The following RANBP2 variants were observed in gnomAD, a reference collection of about 807,000 sequenced individuals.
RANBP2 encodes the protein E3 SUMO-protein ligase RanBP2.
Under a neutral mutation model 303.6 loss-of-function variants are expected in RANBP2, and 57 were observed. The observed-to-expected ratio is 0.19, with a 90% CI of 0.15 to 0.23. RANBP2 has a LOEUF of 0.23. RANBP2 is among the 10% of genes least tolerant of loss of function. RANBP2 has a pLI of 1.00. For missense variants in RANBP2, 3,138 were observed against 3,780.8 expected (o/e 0.83, Z 4.46); for synonymous variants, 1,167 against 1,301.5 (o/e 0.90, Z 2.23).
At chr2:109,691,957 A>G in the RANBP2 span, among the ~76,000 whole-genome samples, 3 of 151,436 alleles carry the variant, frequency 2.0e-5, no homozygotes, top group Non-Finnish European at 4.4e-5. Context: ...TAATTTTTGT[A>G]TTTTTTAGTA....
At chr2:109,765,870 CTT>C in the RANBP2 span, among the ~76,000 whole-genome samples, 1 of 150,658 alleles carries the variant, frequency 6.6e-6, no homozygotes, top group Non-Finnish European at 1.5e-5. Context: ...CCTTTTTAGA[CTT>C]TACTTCATGG....
chr2:109,553,577 G>T, the RANBP2 span, among the ~76,000 whole-genome samples: 1 of 148,784 alleles, frequency 6.7e-6, no homozygotes, highest in African/African-American at 2.5e-5. Context: ...AAGTGGCCTG[G>T]CCTGGTGGCT....
At chr2:109,570,068 T>C in the RANBP2 span, among the ~76,000 whole-genome samples, 4 of 152,020 alleles carry the variant, frequency 2.6e-5, no homozygotes, top group African/African-American at 9.7e-5. Flanking sequence ...ATGGGCCAAA[T>C]CAAGTAATTT....
At chr2:109,434,049 T>G in the RANBP2 span, among the ~76,000 whole-genome samples, 1 of 152,182 alleles carries the variant, frequency 6.6e-6, no homozygotes, top group Non-Finnish European at 1.5e-5. Flanking sequence ...ACAGGTTGGC[T>G]CTCTCAGCCT....
chr2:108,724,725 G>C (rs1694553597), intron 1 of RANBP2, among the ~76,000 whole-genome samples: 1 of 151,778 alleles, frequency 6.6e-6, no homozygotes, highest in African/African-American at 2.4e-5. Flanking sequence ...TGCCTTTTGA[G>C]AGATTTCCTT....
the RANBP2 span, chr2:109,574,908 T>C: frequency 2.0e-6 from 1 of 497,096 alleles, no homozygotes; most frequent in Non-Finnish European, 3.2e-6. Context: ...ACTTTAGTGA[T>C]AAAAAAATGT....
In RANBP2 at chr2:108,753,279, A is replaced by G. The variant is rs545820648; in HGVS notation, c.1917+120A>G. ...TTATTTAATGGTAATCTTGTTTTCT[A>G]AATTCACTAGCTCTCACACATAAGA... On this transcript the variant is annotated intron_variant, in intron 13 of 28. Coordinates refer to ENST00000283195, the MANE Select transcript of RANBP2 (RefSeq NM_006267.5). The G allele has an allele frequency of 3.7e-6, 6 of 1,604,786 alleles. No individual in the cohort carries two copies. The Admixed American group carries it at 6.8e-5, about 18-fold the overall frequency.
the RANBP2 span, among the ~76,000 whole-genome samples, chr2:109,740,075 C>A: frequency 3.4e-5 from 5 of 148,436 alleles, no homozygotes; most frequent in African/African-American, 1.3e-4. Flanking sequence ...CAATCTCTGC[C>A]TTCTGAGTTC....
At chr2:109,021,312 A>G in the RANBP2 span, among the ~76,000 whole-genome samples, 1 of 152,072 alleles carries the variant, frequency 6.6e-6, no homozygotes, top group Non-Finnish European at 1.5e-5. Context: ...TCACGAGGTC[A>G]GGAGATCGAG....
the RANBP2 span, among the ~76,000 whole-genome samples, chr2:109,227,688 C>G: frequency 6.6e-6 from 1 of 152,208 alleles, no homozygotes; most frequent in African/African-American, 2.4e-5. Flanking sequence ...GCTGTGCTCC[C>G]TGCAGGTCAC....
At chr2:109,451,964 C>T in the RANBP2 span, among the ~76,000 whole-genome samples, 3 of 152,246 alleles carry the variant, frequency 2.0e-5, no homozygotes, top group Non-Finnish European at 4.4e-5. Context: ...AGAGGTTCAG[C>T]AAACCCCAGC....
chr2:109,245,254 G>T, the RANBP2 span, among the ~76,000 whole-genome samples: 1 of 152,116 alleles, frequency 6.6e-6, no homozygotes, highest in Non-Finnish European at 1.5e-5. Flanking sequence ...GAGGTTTTCA[G>T]ACCACAGAGA....
At chr2:109,702,346 C>T in the RANBP2 span, among the ~76,000 whole-genome samples, 3 of 152,238 alleles carry the variant, frequency 2.0e-5, no homozygotes, top group Admixed American at 1.3e-4. Context: ...CAAAACCAAA[C>T]TCTGCCCATA....
chr2:108,790,457 C>G (rs1190823470), downstream of RANBP2, among the ~76,000 whole-genome samples: 1 of 152,082 alleles, frequency 6.6e-6, no homozygotes, highest in Non-Finnish European at 1.5e-5. Context: ...CCACATGTAC[C>G]TATTGAGTAC....
At chr2:108,992,785 AACTGGG>A in the RANBP2 span, among the ~76,000 whole-genome samples, 2 of 152,208 alleles carry the variant, frequency 1.3e-5, no homozygotes, top group Admixed American at 6.5e-5. Flanking sequence ...TTTGTCCCAC[AACTGGG>A]ACTGTTTTCT....
chr2:109,732,866 C>A, the RANBP2 span: 1 of 1,269,262 alleles, frequency 7.9e-7, no homozygotes, highest in Non-Finnish European at 1.1e-6. Flanking sequence ...TGAAGATCCC[C>A]GAGATGCAGC....
At chr2:109,249,467 C>CTCTCTTTCTTTCTTTCTTTCTTTCTT in the RANBP2 span, among the ~76,000 whole-genome samples, 1 of 99,290 alleles carries the variant, frequency 1.0e-5, no homozygotes, top group African/African-American at 4.0e-5. Context: ...TTCTCTCTTT[C>CTCTCTTTCTTTCTTTCTTTCTTTCTT]TCTTTCTTTC....
the RANBP2 span, among the ~76,000 whole-genome samples, chr2:109,531,023 G>A: frequency 6.6e-6 from 1 of 152,084 alleles, no homozygotes; most frequent in Non-Finnish European, 1.5e-5. Flanking sequence ...TGGGCTTGAT[G>A]TCCTTCCCTC....
chr2:109,449,676 A>T, the RANBP2 span, among the ~76,000 whole-genome samples: 1 of 152,202 alleles, frequency 6.6e-6, no homozygotes, highest in Non-Finnish European at 1.5e-5. Flanking sequence ...TTGGAGAGGA[A>T]TCAGGCAGGC....
Sources: allele counts gnomAD v4.1 joint callset (sites outside exome capture counted in the v4.1 genomes callset), GRCh38; gene constraint gnomAD v4.1.1; transcripts MANE v1.5; gene names NCBI Gene and HGNC (gene_info 2026-07-23, HGNC 2026-07-21).